Variants in LRBA observed in about 807,000 individuals in gnomAD.
The protein encoded by LRBA is LPS responsive beige-like anchor protein.
In LRBA, 176 loss-of-function variants were observed where a neutral mutation model predicts 330.0. The observed-to-expected ratio is 0.53, with a 90% CI of 0.47 to 0.60. The LOEUF (loss-of-function observed/expected upper bound fraction) is 0.60, where lower values mean the gene tolerates loss of function less well. LRBA is among the 20% of genes least tolerant of loss of function. The pLI, the probability that LRBA is intolerant of heterozygous loss-of-function variation, is 0.00. For missense variants in LRBA, 3,259 were observed against 3,444.8 expected, an observed-to-expected ratio of 0.95 and a Z score of 1.35; for synonymous variants, 1,230 against 1,193.0, an observed-to-expected ratio of 1.03 and a Z score of -0.64.
rs576976776 is a variant in LRBA at position 150,305,098 on chromosome 4, T to G, written c.7850-2306A>C. ...AGTGGGTTGTAGGAGTGAGGAGGAG[T>G]GAAATAACTAACCAGGTACTTGAGG... On this transcript the variant is annotated intron_variant, in intron 52 of 56. Coordinates refer to ENST00000651943, the MANE Select transcript of LRBA (RefSeq NM_001364905.1). 2.6e-5 allele frequency among the ~76,000 whole-genome samples: 4 copies of G among 151,930 alleles called. No homozygotes were observed. The South Asian group carries it at 8.3e-4, about 32-fold the overall frequency.
intron 2 of LRBA, among the ~76,000 whole-genome samples, chr4:151,001,951 G>A (rs1034771671): frequency 2.0e-5 from 3 of 151,494 alleles, no homozygotes; most frequent in East Asian, 1.9e-4. Context: ...TTAATAGTCC[G>A]AACCCTAAGG....
At chr4:150,332,528 G>A (rs1027717785) in intron 48 of LRBA, among the ~76,000 whole-genome samples, 4 of 152,136 alleles carry the variant, frequency 2.6e-5, no homozygotes, top group African/African-American at 9.7e-5. Context: ...CACATAGTAG[G>A]TGCTCAGTAA....
chr4:150,526,788 C>T (rs1763521336), intron 40 of LRBA, among the ~76,000 whole-genome samples: 1 of 152,018 alleles, frequency 6.6e-6, no homozygotes, highest in Non-Finnish European at 1.5e-5. Context: ...CAGATGAAGA[C>T]TTCTATTTTT....
At chr4:150,641,772 T>C (rs912794961) in intron 37 of LRBA, among the ~76,000 whole-genome samples, 1 of 152,024 alleles carries the variant, frequency 6.6e-6, no homozygotes, top group Non-Finnish European at 1.5e-5. Flanking sequence ...GTGGCAAACA[T>C]TAGTGTCAAT....
chr4:150,831,192 A>T (rs1203461135), intron 29 of LRBA, among the ~76,000 whole-genome samples: 5 of 148,144 alleles, frequency 3.4e-5, no homozygotes, highest in Admixed American at 6.7e-5. Flanking sequence ...TACCATCTTT[A>T]TTACTTTCTT....
intron 35 of LRBA, among the ~76,000 whole-genome samples, chr4:150,743,307 C>T (rs1732262408): frequency 6.6e-6 from 1 of 152,114 alleles, no homozygotes; most frequent in South Asian, 2.1e-4. Flanking sequence ...CATGTTCCCA[C>T]AATGCAGAAA....
intron 37 of LRBA, among the ~76,000 whole-genome samples, chr4:150,635,166 CT>C (rs1184212804): frequency 6.6e-6 from 1 of 152,148 alleles, no homozygotes; most frequent in African/African-American, 2.4e-5. Context: ...AGCTTCTCTA[CT>C]TTTCCTTTCA....
intron 37 of LRBA, among the ~76,000 whole-genome samples, chr4:150,678,170 T>A (rs1286836606): frequency 6.7e-6 from 1 of 148,500 alleles, no homozygotes; most frequent in Non-Finnish European, 1.5e-5. Context: ...GAACCCAGGA[T>A]GGGGAGGTTG....
intron 9 of LRBA, among the ~76,000 whole-genome samples, chr4:150,913,540 A>G (rs753680770): frequency 3.6e-4 from 55 of 152,356 alleles, no homozygotes; most frequent in Non-Finnish European, 7.2e-4. Context: ...TACTACTGCT[A>G]AATACATTGG....
At chr4:150,897,631 G>C in intron 15 of LRBA, 108 bp downstream of exon 15, 5 of 758,546 alleles carry the variant, frequency 6.6e-6, no homozygotes, top group Non-Finnish European at 1.1e-5. Flanking sequence ...ATTTTCCAAT[G>C]TGTAACCACA....
chr4:150,931,760 T>TA (rs1189232445), intron 2 of LRBA, among the ~76,000 whole-genome samples: 208 of 147,538 alleles, frequency 1.4e-3, no homozygotes, highest in Non-Finnish European at 1.8e-3. Context: ...AGATCCTGTC[T>TA]AAAAAAAAAA....
intron 22 of LRBA, among the ~76,000 whole-genome samples, chr4:150,860,213 C>T (rs1196434756): frequency 6.6e-6 from 1 of 152,070 alleles, no homozygotes; most frequent in Non-Finnish European, 1.5e-5. Context: ...GAATAAAAGA[C>T]ATGTATGAAA....
At chr4:150,748,810 G>A (rs1281652840) in intron 35 of LRBA, among the ~76,000 whole-genome samples, 1 of 152,134 alleles carries the variant, frequency 6.6e-6, no homozygotes, top group Non-Finnish European at 1.5e-5. Flanking sequence ...ATTAGGTCAT[G>A]AGGGCTCCTT....
chr4:150,409,562 T>C (rs1277949186), intron 47 of LRBA, among the ~76,000 whole-genome samples: 2 of 152,090 alleles, frequency 1.3e-5, no homozygotes, highest in Non-Finnish European at 2.9e-5. Flanking sequence ...ATTTTTGATA[T>C]CTAGTAAAGC....
intron 37 of LRBA, among the ~76,000 whole-genome samples, chr4:150,667,491 T>C (rs943920349): frequency 6.6e-6 from 1 of 152,152 alleles, no homozygotes; most frequent in African/African-American, 2.4e-5. Flanking sequence ...AGGCAGCCTG[T>C]AGAAGATAGA....
chr4:150,494,817 A>C (rs2152110040), intron 40 of LRBA, among the ~76,000 whole-genome samples: 1 of 152,214 alleles, frequency 6.6e-6, no homozygotes, highest in African/African-American at 2.4e-5. Context: ...AACAAGGTAA[A>C]ACCCCGTCTC....
At chr4:150,575,793 T>C (rs1474117845) in intron 40 of LRBA, among the ~76,000 whole-genome samples, 1 of 151,946 alleles carries the variant, frequency 6.6e-6, no homozygotes, top group Non-Finnish European at 1.5e-5. Context: ...ACAATTTTTG[T>C]TTCACACACA....
chr4:150,582,476 T>C (rs1771502390), intron 40 of LRBA: 1 of 153,504 alleles, frequency 6.5e-6, no homozygotes, highest in Non-Finnish European at 1.4e-5. Flanking sequence ...CACCTTCCAT[T>C]TGGGGGAGGG....
At chr4:150,540,882 A>T (rs898756394) in intron 40 of LRBA, among the ~76,000 whole-genome samples, 10 of 152,180 alleles carry the variant, frequency 6.6e-5, no homozygotes, top group Non-Finnish European at 1.3e-4. Context: ...AACCATATAG[A>T]TGCACCATTA....
Sources: allele counts gnomAD v4.1 joint callset (sites outside exome capture counted in the v4.1 genomes callset), GRCh38; gene constraint gnomAD v4.1.1; transcripts MANE v1.5; gene names NCBI Gene and HGNC (gene_info 2026-07-23, HGNC 2026-07-21).